Variants in NRXN3 observed in about 807,000 individuals in gnomAD.
NRXN3 encodes neurexin 3.
In NRXN3, 32 loss-of-function variants were observed where a neutral mutation model predicts 137.6. The ratio of observed to expected loss-of-function variants is 0.23; its 90% CI spans 0.18 to 0.31. NRXN3 has a LOEUF of 0.31. Among genes scored for constraint, NRXN3 ranks in the 10% least tolerant of loss-of-function variants. The probability of loss-of-function intolerance (pLI) is 1.00; values close to 1 mark genes in which losing one functional copy is unlikely to be tolerated. For synonymous variants in NRXN3, 798 were observed against 784.5 expected, an observed-to-expected ratio of 1.02 and a Z score of -0.29; for missense variants, 1,574 against 2,062.5, an observed-to-expected ratio of 0.76 and a Z score of 4.59.
At chr14:79,100,016 T>C (rs2050983253) in intron 15 of NRXN3, among the ~76,000 whole-genome samples, 2 of 152,194 alleles carry the variant, frequency 1.3e-5, no homozygotes, top group African/African-American at 4.8e-5. Flanking sequence ...TTTAAGTTGA[T>C]GAATGAAAGA....
At chr14:79,368,691 A>T (rs2093985300) in intron 15 of NRXN3, among the ~76,000 whole-genome samples, 1 of 152,182 alleles carries the variant, frequency 6.6e-6, no homozygotes, top group African/African-American at 2.4e-5. Context: ...CTGCCAGAAG[A>T]TGTACCAGGA....
intron 15 of NRXN3, among the ~76,000 whole-genome samples, chr14:79,303,892 C>T: frequency 6.6e-6 from 1 of 151,964 alleles, no homozygotes; most frequent in Non-Finnish European, 1.5e-5. Context: ...GATTTATACT[C>T]CAGTACTAAT....
rs529768164 is a variant in NRXN3, at chr14:78,407,971, G to A, written c.757+110111G>A. ...GAGATAATAACACAAGTGAAATGAC[G>A]TGAAACAGGCCTGAGTTCTCAATCT... On this transcript the variant is annotated intron_variant, in intron 4 of 20. Coordinates refer to ENST00000335750, the MANE Select transcript of NRXN3 (RefSeq NM_001330195.2). Among the ~76,000 whole-genome samples the A allele has an allele frequency of 6.5e-4, 99 of 152,228 alleles. 1 individual carries two copies. The highest frequency in any genetic ancestry group is 2.2e-3 in the African/African-American group (93 of 41,550).
At chr14:78,916,160 A>G (rs1444320655) in intron 10 of NRXN3, among the ~76,000 whole-genome samples, 3 of 152,128 alleles carry the variant, frequency 2.0e-5, no homozygotes, top group Non-Finnish European at 4.4e-5. Context: ...GACTGTTTTT[A>G]TCACAAAAAG....
At chr14:79,183,609 T>A (rs2063186618) in intron 15 of NRXN3, among the ~76,000 whole-genome samples, 1 of 152,234 alleles carries the variant, frequency 6.6e-6, no homozygotes, top group Non-Finnish European at 1.5e-5. Context: ...TTCAAAATTC[T>A]AACACAGTTC....
At position 78,587,807 on chromosome 14, in the gene NRXN3, G is replaced by A. The variant is rs750278679; in HGVS notation, c.758-57313G>A. Among the ~76,000 whole-genome samples, 10 of 151,914 alleles carry A rather than the reference G, an allele frequency of 6.6e-5. 1 individual carries two copies. The highest frequency in any genetic ancestry group is 1.0e-4 in the Non-Finnish European group (7 of 67,988). Reference sequence around the variant, plus strand: ...TAATTATTGTTATATTAGATGTTGGGCCTTTGTCATATTTCTATATTTTGT... The same window carrying A: ...TAATTATTGTTATATTAGATGTTGGACCTTTGTCATATTTCTATATTTTGT... On this transcript the variant is annotated intron_variant, in intron 4 of 20. Coordinates refer to ENST00000335750, the MANE Select transcript of NRXN3 (RefSeq NM_001330195.2).
chr14:79,747,330 A>T (rs1365610446), intron 19 of NRXN3, among the ~76,000 whole-genome samples: 5 of 151,892 alleles, frequency 3.3e-5, no homozygotes, highest in Non-Finnish European at 7.4e-5. Flanking sequence ...TGACATGATA[A>T]AATTTCATTT....
intron 10 of NRXN3, among the ~76,000 whole-genome samples, chr14:78,899,243 A>G (rs138407518): frequency 6.4e-4 from 97 of 152,064 alleles, no homozygotes; most frequent in African/African-American, 2.3e-3. Flanking sequence ...ACAAAGGAAA[A>G]CACTTCACAA....
chr14:78,701,013 A>G (rs1035284772), intron 6 of NRXN3, among the ~76,000 whole-genome samples: 1 of 151,950 alleles, frequency 6.6e-6, no homozygotes, highest in African/African-American at 2.4e-5. Context: ...CTTGTTATCC[A>G]CCTGCCTCGG....
chr14:78,515,717 C>T (rs770304114), intron 4 of NRXN3, among the ~76,000 whole-genome samples: 8 of 151,608 alleles, frequency 5.3e-5, no homozygotes, highest in Non-Finnish European at 1.2e-4. Flanking sequence ...TGACGAGTTT[C>T]GTGAAAAACA....
intron 15 of NRXN3, among the ~76,000 whole-genome samples, chr14:79,180,633 C>G (rs2062825457): frequency 6.6e-6 from 1 of 152,118 alleles, no homozygotes. Flanking sequence ...ATAACAGAGA[C>G]TTTAATGGAT....
intron 4 of NRXN3, among the ~76,000 whole-genome samples, chr14:78,466,425 T>G (rs1350297831): frequency 6.6e-6 from 1 of 152,152 alleles, no homozygotes; most frequent in Non-Finnish European, 1.5e-5. Flanking sequence ...GACTGAGTAG[T>G]ATTTCTATGG....
intron 16 of NRXN3, among the ~76,000 whole-genome samples, chr14:79,656,378 A>T (rs1394012923): frequency 1.3e-5 from 2 of 152,156 alleles, no homozygotes; most frequent in Non-Finnish European, 2.9e-5. Flanking sequence ...TTGCAGTCAA[A>T]CTTAACTACC....
At chr14:79,564,382 T>A (rs2097529169) in intron 16 of NRXN3, among the ~76,000 whole-genome samples, 1 of 152,126 alleles carries the variant, frequency 6.6e-6, no homozygotes, top group African/African-American at 2.4e-5. Context: ...TTGCCAGGTA[T>A]CTTTAGTAGA....
chr14:78,260,832 C>A (rs925522734), intron 2 of NRXN3, among the ~76,000 whole-genome samples: 2 of 152,184 alleles, frequency 1.3e-5, no homozygotes, highest in Admixed American at 1.3e-4. Context: ...TCTTTATCAG[C>A]AGCTTAAGAG....
chr14:79,117,356 C>G (rs183483527), intron 15 of NRXN3, among the ~76,000 whole-genome samples: 1 of 152,246 alleles, frequency 6.6e-6, no homozygotes, highest in Admixed American at 6.5e-5. Flanking sequence ...TGCAGAGTGC[C>G]TTTTCTTTTA....
chr14:78,341,726 C>T (rs1450786953), intron 4 of NRXN3, among the ~76,000 whole-genome samples: 2 of 152,324 alleles, frequency 1.3e-5, no homozygotes, highest in South Asian at 2.1e-4. Flanking sequence ...AAATCCCTTA[C>T]TGCCAAACAC....
At chr14:78,431,975 G>A (rs772289770) in intron 4 of NRXN3, among the ~76,000 whole-genome samples, 11 of 152,192 alleles carry the variant, frequency 7.2e-5, no homozygotes, top group Admixed American at 3.9e-4. Flanking sequence ...CACTCTTTCC[G>A]TGGCCAGGAT....
intron 1 of NRXN3, among the ~76,000 whole-genome samples, chr14:78,187,162 A>G (rs1485824535): frequency 6.6e-6 from 1 of 152,228 alleles, no homozygotes; most frequent in African/African-American, 2.4e-5. Flanking sequence ...TTCACTTTAC[A>G]AATGACAAAA....
Sources: allele counts gnomAD v4.1 joint callset (sites outside exome capture counted in the v4.1 genomes callset), GRCh38; gene constraint gnomAD v4.1.1; transcripts MANE v1.5; gene names NCBI Gene and HGNC (gene_info 2026-07-23, HGNC 2026-07-21).